The following ARHGEF10L variants were observed in gnomAD, a reference collection of about 807,000 sequenced individuals.
The protein encoded by ARHGEF10L is Rho guanine nucleotide exchange factor 10 like.
ARHGEF10L carries 69 observed loss-of-function variants against 141.2 expected under a neutral mutation model. That is an observed-to-expected ratio of 0.49 (90% CI 0.40 to 0.60). ARHGEF10L has a LOEUF of 0.60. Among genes scored for constraint, ARHGEF10L ranks in the 20% least tolerant of loss-of-function variants. ARHGEF10L has a pLI of 0.00. For missense variants in ARHGEF10L, 1,482 were observed against 1,734.3 expected (o/e 0.85, Z 2.58); for synonymous variants, 711 against 718.5 (o/e 0.99, Z 0.17).
Position 17,611,705 on chromosome 1 carries a change from A to G in ARHGEF10L, c.610-1353A>G, listed in dbSNP as rs558122691. Among the ~76,000 whole-genome samples, 204 of 152,268 alleles carry G rather than the reference A, an allele frequency of 1.3e-3. 2 individuals are homozygous for G. The highest frequency in any genetic ancestry group is 2.1e-3 in the Admixed American group (32 of 15,296). ...TACATTTAATTTTCTCAACAACCCT[A>G]TGCAGTAGCTACTATTATGGCCACT... On this transcript the variant is annotated intron_variant, in intron 7 of 28. Coordinates refer to ENST00000361221, the MANE Select transcript of ARHGEF10L (RefSeq NM_018125.4).
chr1:17,618,170 A>T, intron 9 of ARHGEF10L: 2 of 647,826 alleles, frequency 3.1e-6, no homozygotes, highest in Non-Finnish European at 5.1e-6. Context: ...TGGTCCGAAG[A>T]CAGGATAACG....
At chr1:17,553,543 A>T (rs1463209426) in intron 1 of ARHGEF10L, among the ~76,000 whole-genome samples, 3 of 152,080 alleles carry the variant, frequency 2.0e-5, no homozygotes, top group Non-Finnish European at 4.4e-5. Context: ...GCACTTTGGG[A>T]GGCTGAGGTG....
At chr1:17,609,234 G>A (rs745323809) in intron 7 of ARHGEF10L, among the ~76,000 whole-genome samples, 15 of 152,198 alleles carry the variant, frequency 9.9e-5, no homozygotes, top group Non-Finnish European at 2.1e-4. Context: ...CATGCTGGCC[G>A]GAGGAACACC....
chr1:17,525,903 GAGAT>G, the ARHGEF10L span, among the ~76,000 whole-genome samples: 1 of 150,790 alleles, frequency 6.6e-6, no homozygotes, highest in Non-Finnish European at 1.5e-5. Context: ...TTGGGAAGCC[GAGAT>G]GGAAGAATCG....
intron 26 of ARHGEF10L, among the ~76,000 whole-genome samples, chr1:17,684,803 G>A (rs1321166734): frequency 6.6e-6 from 1 of 152,128 alleles, no homozygotes; most frequent in African/African-American, 2.4e-5. Flanking sequence ...CTGACCCTGG[G>A]GAGAGGAACC....
chr1:17,541,762 G>A (rs2076736766), intron 1 of ARHGEF10L, among the ~76,000 whole-genome samples: 1 of 152,180 alleles, frequency 6.6e-6, no homozygotes, highest in Non-Finnish European at 1.5e-5. Context: ...GAGGTCAGGA[G>A]TTCAGGACTA....
At chr1:17,580,493 C>T (rs2078445811) in intron 1 of ARHGEF10L, 60 bp from the exon 2 acceptor site, 2 of 1,468,350 alleles carry the variant, frequency 1.4e-6, no homozygotes, top group East Asian at 4.7e-5. Context: ...TGACTTGTCT[C>T]AGTAGCTGAA....
rs549891892 is a variant in ARHGEF10L at position 17,640,051 on chromosome 1, A to G, written c.2172-151A>G. 34 of 1,475,044 alleles carry G rather than the reference A, an allele frequency of 2.3e-5. No homozygotes were observed. The African/African-American group carries it at 3.9e-4, about 17-fold the overall frequency. 91.4% of individuals were successfully genotyped at this position (1,475,044 alleles called of 1,614,324 possible). ...CAGGGGACCGAGGCTTTGCCAAGCC[A>G]CTGACCTCTTTGGCCACGTTTTGGG... On this transcript the variant is annotated intron_variant, in intron 20 of 28. Coordinates refer to ENST00000361221, the MANE Select transcript of ARHGEF10L (RefSeq NM_018125.4).
chr1:17,654,815 C>T lies in ARHGEF10L; in HGVS notation c.2481+93C>T. 1 of 1,157,836 alleles carries T rather than the reference C, an allele frequency of 8.6e-7. No individual in the cohort carries two copies. The highest frequency in any genetic ancestry group is 1.7e-5 in the Admixed American group (1 of 58,966). 71.7% of individuals were successfully genotyped at this position (1,157,836 alleles called of 1,614,324 possible). On this transcript the variant is annotated intron_variant, in intron 23 of 28. Coordinates refer to ENST00000361221, the MANE Select transcript of ARHGEF10L (RefSeq NM_018125.4). The surrounding 1 kb of genome is among the most constrained non-coding windows in gnomAD (Gnocchi z 4.3). Reference sequence around the variant, plus strand: ...GAGGGGGTGCTGGAGACAGCAGCTGCCTGCCTCATCTCATGCAGCTTCATC... The same window carrying T: ...GAGGGGGTGCTGGAGACAGCAGCTGTCTGCCTCATCTCATGCAGCTTCATC...
At chr1:17,620,480 G>A (rs946498399) in intron 10 of ARHGEF10L, among the ~76,000 whole-genome samples, 1 of 152,218 alleles carries the variant, frequency 6.6e-6, no homozygotes, top group African/African-American at 2.4e-5. Flanking sequence ...AGATGTCCTT[G>A]TGCTCTGCTC....
chr1:17,629,831 C>T (rs1051521328), intron 15 of ARHGEF10L, among the ~76,000 whole-genome samples: 2 of 152,348 alleles, frequency 1.3e-5, no homozygotes, highest in African/African-American at 2.4e-5. Context: ...GCTCCCTCTT[C>T]GGTGACCAAG....
chr1:17,613,325 C>T (rs2059643415), intron 8 of ARHGEF10L, 151 bp downstream of exon 8: 3 of 643,960 alleles, frequency 4.7e-6, no homozygotes, highest in Non-Finnish European at 8.3e-6. Context: ...CCTGGCCACC[C>T]TTGCATCTGT....
rs534691691 is a variant in ARHGEF10L, at chr1:17,556,033, T to A, written c.-44+16083T>A. 4.1e-4 allele frequency among the ~76,000 whole-genome samples: 61 copies of A among 150,264 alleles called. 1 individual carries two copies. The South Asian group carries it at 0.011, about 27-fold the overall frequency. On this transcript the variant is annotated intron_variant, in intron 1 of 28. Transcript: ENST00000361221. ...GGAGAAGCAGAGACTCCCAATTAGG[T>A]TAGGGCAGCCTGGGAGCACGGGGTT... is the stretch of plus-strand genomic sequence containing the variant.
intron 26 of ARHGEF10L, among the ~76,000 whole-genome samples, chr1:17,686,073 GT>G (rs879349451): frequency 6.9e-6 from 1 of 145,926 alleles, no homozygotes; most frequent in African/African-American, 2.6e-5. Context: ...GTTTTGTTTT[GT>G]TTTTTTTCTT....
the ARHGEF10L span, among the ~76,000 whole-genome samples, chr1:17,517,707 C>T: frequency 1.3e-5 from 2 of 152,198 alleles, no homozygotes; most frequent in African/African-American, 4.8e-5. Context: ...GTCACCCAGG[C>T]TGGAGTACAA....
At chr1:17,617,836 TG>T (rs1293471393) in intron 9 of ARHGEF10L, among the ~76,000 whole-genome samples, 2 of 152,290 alleles carry the variant, frequency 1.3e-5, no homozygotes, top group African/African-American at 4.8e-5. Context: ...TTATTCTTGG[TG>T]GGCGGTCAGT....
At chr1:17,655,367 TCCATCCATCCACCCACCCAC>T in intron 23 of ARHGEF10L, among the ~76,000 whole-genome samples, 1 of 152,144 alleles carries the variant, frequency 6.6e-6, no homozygotes, top group South Asian at 2.1e-4. Context: ...TATTTATCTG[TCCATCCATCCACCCACCCAC>T]CCATCCATTC....
intron 14 of ARHGEF10L, 122 bp downstream of exon 14, chr1:17,626,170 G>T: frequency 1.4e-6 from 1 of 738,536 alleles, no homozygotes; most frequent in Non-Finnish European, 2.3e-6. Context: ...CACCCAACCT[G>T]CTGTGGGACT....
At position 17,654,591 on chromosome 1, in the gene ARHGEF10L, G is replaced by T; in HGVS notation, c.2395-45G>T. On this transcript the variant is annotated intron_variant, in intron 22 of 28. Coordinates refer to ENST00000361221, the MANE Select transcript of ARHGEF10L (RefSeq NM_018125.4). This position sits in a 1 kb window ranked among gnomAD's most constrained non-coding sequence, Gnocchi z 4.3. ...GAATCTGCCAAATATTGGCATCTGG[G>T]CACCTTGATGATTAACCTCACATGT... 6.4e-7 allele frequency: 1 copy of T among 1,551,858 alleles called. No individual in the cohort carries two copies. The highest frequency in any genetic ancestry group is 8.9e-7 in the Non-Finnish European group (1 of 1,123,372).
Sources: gnomAD v4.1 joint callset for allele counts (sites outside exome capture counted in the v4.1 genomes callset) on GRCh38, gnomAD v4.1.1 for gene constraint, Gnocchi (gnomAD v3.1) non-coding constraint, MANE v1.5 for transcripts, NCBI Gene and HGNC (gene_info 2026-07-23, HGNC 2026-07-21) for gene names.